Variants in URB1 observed in about 807,000 individuals in gnomAD.
URB1 encodes the protein URB1 ribosome biogenesis factor, also known as nucleolar pre-ribosomal-associated protein 1.
A neutral mutation model predicts 242.3 loss-of-function variants in URB1; 197 were observed. That is an observed-to-expected ratio of 0.81 (90% confidence interval 0.72 to 0.91). URB1 has a LOEUF of 0.91. URB1 is among the 40% of genes least tolerant of loss of function. The pLI, the probability that URB1 is intolerant of heterozygous loss-of-function variation, is 0.00. For synonymous variants in URB1, 1,153 were observed against 1,201.8 expected (o/e 0.96, Z 0.84); for missense variants, 2,721 against 2,860.5 (o/e 0.95, Z 1.11).
intron 19 of URB1, 23 bp downstream of exon 19, chr21:32,352,687 C>A: frequency 6.5e-7 from 1 of 1,549,926 alleles, no homozygotes; most frequent in Non-Finnish European, 8.7e-7. Flanking sequence ...GCAGCAGTGA[C>A]CACAGCTGTG....
In URB1 at chr21:32,363,274, T is replaced by C. The variant is rs961115618; in HGVS notation, c.1391A>G (p.Lys464Arg). 32 of 1,551,842 alleles carry C rather than the reference T, an allele frequency of 2.1e-5. No individual in the cohort carries two copies. The highest frequency in any genetic ancestry group is 2.8e-5 in the Non-Finnish European group (32 of 1,147,046). ...GTGGTCAACAGTTTTTAATGCCCTCTTCAAAATGACAGAAATAAGGGATAA... is the reference window on the plus strand; with the variant it reads ...GTGGTCAACAGTTTTTAATGCCCTCCTCAAAATGACAGAAATAAGGGATAA... Reference protein sequence around the residue: ...TALSLISVILKRALKTVDHCL... With the variant: ...TALSLISVILRRALKTVDHCL... The change falls in exon 11 of 39, where the codon AAG becomes AGG. Residue 464 changes from lysine (K) to arginine (R), a missense_variant. Physicochemically the swap from Lys to Arg is conservative, Grantham distance 26 (BLOSUM62 2). Coordinates refer to ENST00000382751, the MANE Select transcript of URB1 (RefSeq NM_014825.3).
Position 32,312,303 on chromosome 21 carries a change from C to A in URB1, c.*2615G>T. 1 of 1,315,636 alleles carries A rather than the reference C, an allele frequency of 7.6e-7. No homozygotes were observed. The highest frequency in any genetic ancestry group is 9.8e-7 in the Non-Finnish European group (1 of 1,024,760). 81.5% of individuals were successfully genotyped at this position (1,315,636 alleles called of 1,614,324 possible). On this transcript the variant is annotated 3_prime_UTR_variant, in exon 39 of 39. Transcript: ENST00000382751. ...ATCAAGAGGAAAAGCTGTTTGCTTA[C>A]TAATCTTTACTATGCCACTTTACCA...
rs780853582 is a variant in URB1, at chr21:32,352,906, G to T, written c.2417C>A (p.Ala806Glu). ...CGTCAGATATGTCACAACGTTTTCC[G>T]CTGCAAAGGAACGAGATGCATATGG... ...KLLLGTGNEA[A>E]ENVVTYLTAV... Residue 806 changes from alanine to glutamate, a missense_variant and splice_region_variant, in exon 19 of 39, where the codon GCG becomes GAG. Physicochemically the swap from Ala to Glu is moderately radical, Grantham distance 107 (BLOSUM62 -1). Transcript: ENST00000382751. 25 of 1,541,994 alleles carry T rather than the reference G, an allele frequency of 1.6e-5. No homozygotes were observed. The highest frequency in any genetic ancestry group is 2.0e-5 in the Non-Finnish European group (23 of 1,141,764).
chr21:32,382,038 G>A (rs1219208163), intron 4 of URB1, among the ~76,000 whole-genome samples: 4 of 152,214 alleles, frequency 2.6e-5, no homozygotes, highest in African/African-American at 4.8e-5. Flanking sequence ...ATCCTGGAGA[G>A]GTAAAATAAT....
intron 12 of URB1, 25 bp from the exon 13 acceptor site, chr21:32,361,148 GAAAAAGAGAAA>G: frequency 1.3e-6 from 1 of 788,044 alleles, no homozygotes; most frequent in Non-Finnish European, 1.8e-6. Flanking sequence ...GAAAAAGAAA[GAAAAAGAGAAA>G]AAAGAAAGAA....
In URB1 at chr21:32,334,330, G is replaced by A; in HGVS notation, c.4690C>T (p.Leu1564=). 1 of 1,544,494 alleles carries A rather than the reference G, an allele frequency of 6.5e-7. No homozygotes were observed. Among genetic ancestry groups the A allele is most frequent in the Non-Finnish European group, 8.8e-7 (1 of 1,142,012 alleles). ...TCCACGGCCGCTGGGCCCCACAGCA[G>A]CACCCTAGAGCCAGAAAAGGGAAAA... ...NKLSLINFRV[L]LWGPAAVEHH... is the part of the protein sequence containing the mutation. The change falls in exon 29 of 39, where the codon CTG becomes TTG. Residue 1564 remains leucine (L), a synonymous_variant. Coordinates refer to ENST00000382751, the MANE Select transcript of URB1 (RefSeq NM_014825.3).
intron 5 of URB1, chr21:32,377,316 C>A (rs781179863): frequency 1.4e-5 from 7 of 509,336 alleles, no homozygotes; most frequent in South Asian, 8.7e-5. Context: ...TAAATCCAAA[C>A]CCATGCATAA....
At position 32,314,506 on chromosome 21, in the gene URB1, C is replaced by G. The variant is rs753780234; in HGVS notation, c.*412G>C. ...GCTGAAAAATAAACTTTAAACATCT[C>G]TCTTCGTTTTCATAAAAAAAATCTG... On this transcript the variant is annotated 3_prime_UTR_variant, in exon 39 of 39. Coordinates refer to ENST00000382751, the MANE Select transcript of URB1 (RefSeq NM_014825.3). The G allele has an allele frequency of 6.4e-7, 1 of 1,560,348 alleles. No homozygotes were observed. Among genetic ancestry groups the G allele is most frequent in the Non-Finnish European group, 8.8e-7 (1 of 1,131,188 alleles).
chr21:32,332,478 A>AAC (rs1238790953), intron 30 of URB1, among the ~76,000 whole-genome samples: 11 of 424 alleles, frequency 0.026, no homozygotes, highest in Non-Finnish European at 0.019. Context: ...AAAGAAAGAC[A>AAC]AAAAAAAAAA....
rs1289788358 is a variant in URB1, at chr21:32,372,373, T to C, written c.1001+134A>G. 4.0e-6 allele frequency: 5 copies of C among 1,248,262 alleles called. No individual in the cohort carries two copies. The East Asian group carries it at 8.0e-5, about 20-fold the overall frequency. 77.3% of individuals were successfully genotyped at this position (1,248,262 alleles called of 1,614,324 possible). On this transcript the variant is annotated intron_variant, in intron 8 of 38. Transcript: ENST00000382751. ...GAGAAGTTCTCTGGGACTACAACTG[T>C]TCAACCCTGAAACGAGTTAGATAAT... is the stretch of plus-strand genomic sequence containing the variant.
In URB1 at chr21:32,315,101, T is replaced by G; in HGVS notation, c.6635-2A>C. The G allele has an allele frequency of 1.3e-6, 2 of 1,518,330 alleles. No homozygotes were observed. Among genetic ancestry groups the G allele is most frequent in the African/African-American group, 2.8e-5 (2 of 72,550 alleles). 94.1% of individuals were successfully genotyped at this position (1,518,330 alleles called of 1,614,324 possible). A position where few individuals can be genotyped will look rare whatever the true frequency, so the allele number is the denominator to read the frequency against. Reference sequence around the variant, plus strand: ...GAGACACTAGGAATGCTGCGGAGGCTGAACAAGAGCAGGGGATAGGCCATT... The same window carrying G: ...GAGACACTAGGAATGCTGCGGAGGCGGAACAAGAGCAGGGGATAGGCCATT... On this transcript the variant is annotated splice_acceptor_variant, in intron 38 of 38. Transcript: ENST00000382751. LOFTEE classifies it high-confidence loss of function.
rs2032770327 is a variant in URB1 at position 32,321,838 on chromosome 21, G to A, written c.5447C>T (p.Ser1816Phe). The change falls in exon 34 of 39, where the codon TCC (serine) becomes TTC (phenylalanine). Residue 1816 changes from serine (S) to phenylalanine (F), a missense_variant. Physicochemically the swap from Ser to Phe is radical, Grantham distance 155. Coordinates refer to ENST00000382751, the MANE Select transcript of URB1 (RefSeq NM_014825.3). ...GTCACACAGCGGGCTGTGGAAGAAGGACAGGATGATGTGGAAGATGCCACG... is the reference window on the plus strand; with the variant it reads ...GTCACACAGCGGGCTGTGGAAGAAGAACAGGATGATGTGGAAGATGCCACG... ...ARRGIFHIIL[S>F]FFHSPLCDEA... The A allele has an allele frequency of 6.4e-7, 1 of 1,551,614 alleles. No homozygotes were observed. The highest frequency in any genetic ancestry group is 1.4e-5 in the African/African-American group (1 of 73,056).
intron 10 of URB1, among the ~76,000 whole-genome samples, chr21:32,365,009 A>G (rs11911150): frequency 0.019 from 2,847 of 152,290 alleles, 85 homozygotes; most frequent in African/African-American, 0.062. Flanking sequence ...CCTTGGAGCC[A>G]CTCCGTGCAG....
At chr21:32,342,960 T>A (rs1250661013) in intron 24 of URB1, among the ~76,000 whole-genome samples, 1 of 151,968 alleles carries the variant, frequency 6.6e-6, no homozygotes, top group Admixed American at 6.6e-5. Flanking sequence ...CACTGACCAC[T>A]AACAAAGTCA....
Position 32,345,584 on chromosome 21 carries a change from G to C in URB1, c.3869-9C>G. 1 of 1,528,452 alleles carries C rather than the reference G, an allele frequency of 6.5e-7. No homozygotes were observed. 94.7% of individuals were successfully genotyped at this position (1,528,452 alleles called of 1,614,324 possible). A position where few individuals can be genotyped will look rare whatever the true frequency, so the allele number is the denominator to read the frequency against. The stretch of plus-strand genomic sequence containing the variant: ...AATGACAGCGGAAGACACTAGGGCA[G>C]AGATACAAAGGAGAAGTCATCACAC... On this transcript the variant is annotated splice_polypyrimidine_tract_variant and intron_variant, in intron 22 of 38. Transcript: ENST00000382751.
At position 32,366,710 on chromosome 21, in the gene URB1, CTCTGG is replaced by C; in HGVS notation, c.1238_1242del (p.Thr413ArgfsTer23). 1 of 1,551,520 alleles carries C rather than the reference CTCTGG, an allele frequency of 6.4e-7. No individual in the cohort carries two copies. The highest frequency in any genetic ancestry group is 8.7e-7 in the Non-Finnish European group (1 of 1,146,874). On this transcript the variant is annotated frameshift_variant, in exon 10 of 39. Transcript: ENST00000382751. LOFTEE classifies it high-confidence loss of function. ...AGGAGCCGAGGCAAGGGTATAAACT[CTCTGG>C]TCTGAAATGCCCGGGAAATCTCCGG...
At chr21:32,377,517 T>A (rs1157675131) in intron 5 of URB1, among the ~76,000 whole-genome samples, 3 of 151,902 alleles carry the variant, frequency 2.0e-5, no homozygotes, top group Non-Finnish European at 4.4e-5. Flanking sequence ...CTGAACCTAG[T>A]GCCTGGTAAC....
At chr21:32,373,839 T>C in intron 6 of URB1, 67 bp from the exon 7 acceptor site, 4 of 1,347,610 alleles carry the variant, frequency 3.0e-6, no homozygotes, top group Non-Finnish European at 3.9e-6. Flanking sequence ...TTCAATTATT[T>C]TTTAAATGGT....
intron 8 of URB1, among the ~76,000 whole-genome samples, chr21:32,369,890 C>T (rs1029740262): frequency 6.7e-6 from 1 of 150,154 alleles, no homozygotes; most frequent in Non-Finnish European, 1.5e-5. Context: ...ATAATAAAAG[C>T]AGGTGAGCCC....
Sources: allele counts gnomAD v4.1 joint callset (sites outside exome capture counted in the v4.1 genomes callset), GRCh38; gene constraint gnomAD v4.1.1; transcripts MANE v1.5; gene names NCBI Gene and HGNC (gene_info 2026-07-23, HGNC 2026-07-21).